The following MTA3 variants were observed in gnomAD, a reference collection of about 807,000 sequenced individuals.
MTA3 encodes metastasis associated 1 family member 3.
MTA3 carries 34 observed loss-of-function variants against 83.5 expected under a neutral mutation model. That is an observed-to-expected ratio of 0.41 (90% confidence interval 0.31 to 0.54). MTA3 has a LOEUF of 0.54. Among genes scored for constraint, MTA3 ranks in the 20% least tolerant of loss-of-function variants. The pLI, the probability that MTA3 is intolerant of heterozygous loss-of-function variation, is 0.33. For synonymous variants in MTA3, 303 were observed against 252.7 expected, an observed-to-expected ratio of 1.20 and a Z score of -1.89; for missense variants, 761 against 726.4, an observed-to-expected ratio of 1.05 and a Z score of -0.55.
intron 4 of MTA3, among the ~76,000 whole-genome samples, chr2:42,633,701 C>A (rs1686907358): frequency 6.6e-6 from 1 of 152,030 alleles, no homozygotes; most frequent in African/African-American, 2.4e-5. Context: ...ACCATCCTGG[C>A]TAACACAGTG....
chr2:42,648,883 T>C (rs536466307), intron 6 of MTA3, among the ~76,000 whole-genome samples: 20 of 152,338 alleles, frequency 1.3e-4, no homozygotes, highest in African/African-American at 4.8e-4. Flanking sequence ...GGTTCACAAG[T>C]TTGGGTAATC....
At chr2:42,615,955 C>T (rs950970350) in intron 4 of MTA3, among the ~76,000 whole-genome samples, 3 of 150,834 alleles carry the variant, frequency 2.0e-5, no homozygotes, top group Non-Finnish European at 4.4e-5. Context: ...CTCCTGACCT[C>T]GTGATCTGCC....
chr2:42,735,317 A>G (rs1668530367), intron 16 of MTA3, among the ~76,000 whole-genome samples: 1 of 152,188 alleles, frequency 6.6e-6, no homozygotes, highest in East Asian at 1.9e-4. Flanking sequence ...GTTTCCACTA[A>G]GAAGTCTGCT....
chr2:42,599,506 C>T (rs1682280301), intron 3 of MTA3, among the ~76,000 whole-genome samples: 1 of 151,884 alleles, frequency 6.6e-6, no homozygotes, highest in Non-Finnish European at 1.5e-5. Flanking sequence ...AGGAGAATGG[C>T]GTGAAGCTGG....
chr2:42,601,519 C>T (rs1439331684), intron 3 of MTA3, among the ~76,000 whole-genome samples: 2 of 152,166 alleles, frequency 1.3e-5, no homozygotes, highest in Non-Finnish European at 2.9e-5. Flanking sequence ...GTCAAGTGAC[C>T]CTCTCGCTGG....
chr2:42,680,618 T>C (rs1053095095), intron 8 of MTA3, among the ~76,000 whole-genome samples: 2 of 152,194 alleles, frequency 1.3e-5, no homozygotes, highest in African/African-American at 4.8e-5. Flanking sequence ...TAGGCAGAGA[T>C]GATTTTGTTG....
intron 13 of MTA3, among the ~76,000 whole-genome samples, chr2:42,708,647 T>C (rs531210270): frequency 7.9e-5 from 12 of 152,314 alleles, no homozygotes; most frequent in Non-Finnish European, 8.8e-5. Context: ...TGATTTTGGA[T>C]TCCTGTATAG....
At chr2:42,750,916 T>C (rs1007096285) in intron 16 of MTA3, among the ~76,000 whole-genome samples, 1 of 152,236 alleles carries the variant, frequency 6.6e-6, no homozygotes, top group African/African-American at 2.4e-5. Flanking sequence ...TCTTCCTTGC[T>C]TCAGTCCCCT....
intron 14 of MTA3, among the ~76,000 whole-genome samples, chr2:42,717,119 AG>A: frequency 7.6e-6 from 1 of 131,632 alleles, no homozygotes; most frequent in African/African-American, 2.9e-5. Context: ...AATAATTTTC[AG>A]AAAAGAGTTT....
chr2:42,739,639 C>A (rs532884711), intron 16 of MTA3, among the ~76,000 whole-genome samples: 1 of 152,268 alleles, frequency 6.6e-6, no homozygotes, highest in East Asian at 1.9e-4. Flanking sequence ...CTTCCTTTCA[C>A]GAAAGATTTC....
At chr2:42,564,984 A>T (rs189997089), upstream of MTA3, among the ~76,000 whole-genome samples, 22 of 152,008 alleles carry the variant, frequency 1.4e-4, no homozygotes, top group Admixed American at 4.6e-4. Context: ...CACCATATTG[A>T]CCAGGCTGGT....
chr2:42,562,877 C>A (rs1310136526), intron 2 of MTA3, among the ~76,000 whole-genome samples: 2 of 152,254 alleles, frequency 1.3e-5, no homozygotes, highest in South Asian at 2.1e-4. Flanking sequence ...CGAACACAAC[C>A]CTTCCAGCAC....
chr2:42,718,381 G>A (rs1192317528), intron 14 of MTA3, among the ~76,000 whole-genome samples: 3 of 151,728 alleles, frequency 2.0e-5, no homozygotes, highest in Admixed American at 6.6e-5. Flanking sequence ...CCGAGTAGCT[G>A]GGATTACAGG....
chr2:42,546,508 T>C (rs1035757584), intron 2 of MTA3, among the ~76,000 whole-genome samples: 6 of 151,932 alleles, frequency 3.9e-5, no homozygotes, highest in Non-Finnish European at 8.8e-5. Flanking sequence ...CTTTTTCTAA[T>C]CAAACCAAAA....
chr2:42,617,691 A>G lies in MTA3; in HGVS notation c.317+8107A>G, dbSNP rs113003226. ...CTAGGGAGGCTGAGACAGGAGAATC[A>G]CTTGAACCCGGGAGGCGGACGTTGC... On this transcript the variant is annotated intron_variant, in intron 4 of 16. Coordinates refer to ENST00000405094, the MANE Select transcript of MTA3 (RefSeq NM_001330442.2). Among the ~76,000 whole-genome samples the G allele has an allele frequency of 9.6e-3, 1,454 of 152,030 alleles. 31 individuals carry two copies. The highest frequency in any genetic ancestry group is 0.033 in the African/African-American group (1,380 of 41,436).
upstream of MTA3, among the ~76,000 whole-genome samples, chr2:42,564,489 A>C (rs1159464321): frequency 6.6e-6 from 1 of 152,176 alleles, no homozygotes; most frequent in East Asian, 1.9e-4. Flanking sequence ...TCTTGCCATC[A>C]TATGCCTACA....
chr2:42,685,767 A>G (rs1292526925), intron 9 of MTA3, among the ~76,000 whole-genome samples: 1 of 152,254 alleles, frequency 6.6e-6, no homozygotes, highest in Non-Finnish European at 1.5e-5. Context: ...TAAAATAAAC[A>G]GGATAGAATG....
At position 42,756,714 on chromosome 2, in the gene MTA3, C is replaced by G; in HGVS notation, c.*3315C>G. On this transcript the variant is annotated 3_prime_UTR_variant, in exon 17 of 17. Coordinates refer to ENST00000405094, the MANE Select transcript of MTA3 (RefSeq NM_001330442.2). ...CAGTTAGCAGCCCCTCCTCACCATT[C>G]CCCCCAGGAAGGCCATGTCCCAGTT... 2.0e-6 allele frequency: 2 copies of G among 985,396 alleles called. No homozygotes were observed. The highest frequency in any genetic ancestry group is 1.2e-6 in the Non-Finnish European group (1 of 829,938). 61.0% of individuals were successfully genotyped at this position (985,396 alleles called of 1,614,324 possible). A position where few individuals can be genotyped will look rare whatever the true frequency, so the allele number is the denominator to read the frequency against.
At chr2:42,535,949 T>C (rs533043312) in intron 2 of MTA3, among the ~76,000 whole-genome samples, 1 of 151,468 alleles carries the variant, frequency 6.6e-6, no homozygotes, top group African/African-American at 2.4e-5. Context: ...TGAGATCCCG[T>C]CTCTACAAAA....
Sources: allele counts gnomAD v4.1 joint callset (sites outside exome capture counted in the v4.1 genomes callset), GRCh38; gene constraint gnomAD v4.1.1; transcripts MANE v1.5; gene names NCBI Gene and HGNC (gene_info 2026-07-23, HGNC 2026-07-21).